ITGB5: variants seen among roughly 807,000 people sequenced by gnomAD.
ITGB5 encodes the protein integrin subunit beta 5.
A neutral mutation model predicts 84.8 loss-of-function variants in ITGB5; 38 were observed. That is an observed-to-expected ratio of 0.45 (90% confidence interval 0.35 to 0.59). The LOEUF (loss-of-function observed/expected upper bound fraction) is 0.59. ITGB5 is among the 20% of genes least tolerant of loss of function. The pLI, the probability that ITGB5 is intolerant of heterozygous loss-of-function variation, is 0.01. For missense variants in ITGB5, 905 were observed against 1,034.5 expected (o/e 0.87, Z 1.72); for synonymous variants, 393 against 414.4 (o/e 0.95, Z 0.63).
chr3:124,773,321 A>T (rs1291480477), intron 11 of ITGB5, among the ~76,000 whole-genome samples: 2 of 152,126 alleles, frequency 1.3e-5, no homozygotes, highest in African/African-American at 4.8e-5. Flanking sequence ...AAAGATGCAC[A>T]CTGTATTCTC....
intron 1 of ITGB5, among the ~76,000 whole-genome samples, chr3:124,879,988 A>G (rs916517126): frequency 2.0e-5 from 3 of 152,254 alleles, no homozygotes; most frequent in Admixed American, 2.0e-4. Flanking sequence ...TATATTACCT[A>G]TCAAAAGGTA....
chr3:124,801,837 T>C (rs1365414885), intron 9 of ITGB5, among the ~76,000 whole-genome samples: 1 of 152,126 alleles, frequency 6.6e-6, no homozygotes, highest in Non-Finnish European at 1.5e-5. Context: ...CCAGCCACTC[T>C]CCCCTCCCTC....
upstream of ITGB5, chr3:124,887,564 C>T (rs1406363243): frequency 7.2e-6 from 2 of 279,198 alleles, no homozygotes; most frequent in Admixed American, 3.9e-5. Context: ...GACGCGGAGG[C>T]CCTACGGGCC....
chr3:124,808,958 T>C (rs1004116355), intron 9 of ITGB5, 64 bp downstream of exon 9: 171 of 1,547,078 alleles, frequency 1.1e-4, no homozygotes, highest in Non-Finnish European at 1.4e-4. Flanking sequence ...ACAAAAGTTA[T>C]TAGAACCCAA....
At chr3:124,856,920 T>C (rs984243854) in intron 3 of ITGB5, among the ~76,000 whole-genome samples, 1 of 152,154 alleles carries the variant, frequency 6.6e-6, no homozygotes, top group Non-Finnish European at 1.5e-5. Flanking sequence ...GTTCCCTTCC[T>C]TTTCTCTCTC....
At chr3:124,770,134 A>AG (rs1197300104) in intron 11 of ITGB5, 1 of 152,206 alleles carries the variant, frequency 6.6e-6, no homozygotes, top group African/African-American at 2.4e-5. Context: ...CTGATGTTCA[A>AG]GGGGAGAGGT....
At chr3:124,859,481 G>A in intron 2 of ITGB5, 35 bp from the exon 3 acceptor site, 1 of 1,573,806 alleles carries the variant, frequency 6.4e-7, no homozygotes, top group East Asian at 2.2e-5. Context: ...AGCAGGAGGT[G>A]GTCAGGGTGT....
intron 8 of ITGB5, chr3:124,809,528 C>T (rs891026321): frequency 5.3e-6 from 1 of 187,526 alleles, no homozygotes; most frequent in Non-Finnish European, 1.1e-5. Flanking sequence ...AGTGTGTACT[C>T]CAGGCTTTGA....
intron 10 of ITGB5, among the ~76,000 whole-genome samples, chr3:124,781,888 C>T (rs2064010628): frequency 6.6e-6 from 1 of 152,176 alleles, no homozygotes; most frequent in African/African-American, 2.4e-5. Context: ...GCCGTGCAAC[C>T]TCACCCACCT....
At chr3:124,894,309 A>AT (rs1935058703) in intron 1 of ITGB5, 1 of 151,318 alleles carries the variant, frequency 6.6e-6, no homozygotes. Flanking sequence ...AATTTTTTGT[A>AT]TTTTTAGTAG....
At chr3:124,869,152 T>C (rs1299352876) in intron 2 of ITGB5, among the ~76,000 whole-genome samples, 2 of 152,214 alleles carry the variant, frequency 1.3e-5, no homozygotes, top group African/African-American at 4.8e-5. Context: ...ACCGGCTGTC[T>C]ACTGGGCAGC....
intron 11 of ITGB5, among the ~76,000 whole-genome samples, chr3:124,771,042 A>C (rs1216633814): frequency 6.6e-6 from 1 of 152,218 alleles, no homozygotes; most frequent in African/African-American, 2.4e-5. Context: ...ACACTCCCTA[A>C]GTATCCATGT....
At chr3:124,765,986 G>A (rs2063760581) in intron 13 of ITGB5, among the ~76,000 whole-genome samples, 1 of 151,544 alleles carries the variant, frequency 6.6e-6, no homozygotes, top group Non-Finnish European at 1.5e-5. Context: ...CTGAACCCGA[G>A]GAGGTCAAGG....
At chr3:124,840,130 C>T (rs1438801040) in intron 5 of ITGB5, among the ~76,000 whole-genome samples, 1 of 152,192 alleles carries the variant, frequency 6.6e-6, no homozygotes, top group Non-Finnish European at 1.5e-5. Flanking sequence ...CTGTGTGACA[C>T]ACCAGATTCA....
chr3:124,886,467 G>A (rs1934812991), intron 1 of ITGB5, among the ~76,000 whole-genome samples: 2 of 152,162 alleles, frequency 1.3e-5, no homozygotes, highest in Non-Finnish European at 2.9e-5. Context: ...CCGGAGTGGA[G>A]GTGGCCCCGG....
intron 9 of ITGB5, among the ~76,000 whole-genome samples, chr3:124,800,252 A>G (rs538479319): frequency 4.6e-5 from 7 of 152,290 alleles, no homozygotes; most frequent in African/African-American, 1.2e-4. Flanking sequence ...ACTACAGAGG[A>G]ATGACCTGGA....
chr3:124,822,965 T>C (rs1399357214), intron 5 of ITGB5, among the ~76,000 whole-genome samples: 2 of 152,088 alleles, frequency 1.3e-5, no homozygotes, highest in South Asian at 2.1e-4. Flanking sequence ...AGGAGGACAC[T>C]TCAAGGAAGC....
At chr3:124,766,765 T>A (rs1299274306) in intron 12 of ITGB5, among the ~76,000 whole-genome samples, 2 of 152,158 alleles carry the variant, frequency 1.3e-5, no homozygotes, top group Admixed American at 6.5e-5. Context: ...CCAGGCCACT[T>A]GGGGCTGAGA....
chr3:124,878,069 T>C (rs1420205136), intron 1 of ITGB5, among the ~76,000 whole-genome samples: 1 of 152,134 alleles, frequency 6.6e-6, no homozygotes, highest in Non-Finnish European at 1.5e-5. Context: ...TCTTCTGACT[T>C]CGACTCCTGA....
Sources: gnomAD v4.1 joint callset for allele counts (sites outside exome capture counted in the v4.1 genomes callset) on GRCh38, gnomAD v4.1.1 for gene constraint, MANE v1.5 for transcripts, NCBI Gene and HGNC (gene_info 2026-07-23, HGNC 2026-07-21) for gene names.